The following PARD3 variants were observed in gnomAD, a reference collection of about 807,000 sequenced individuals.
PARD3 encodes the protein partitioning defective 3 homolog.
Under a neutral mutation model 155.4 loss-of-function variants are expected in PARD3, and 75 were observed. The ratio of observed to expected loss-of-function variants is 0.48; its 90% CI spans 0.40 to 0.58. The LOEUF is 0.58. PARD3 is among the 20% of genes least tolerant of loss of function. The pLI is 0.00. For missense variants in PARD3, 1,642 were observed against 1,721.7 expected (o/e 0.95, Z 0.82); for synonymous variants, 576 against 610.5 (o/e 0.94, Z 0.83).
intron 1 of PARD3, among the ~76,000 whole-genome samples, chr10:34,699,544 G>C (rs551200398): frequency 6.6e-6 from 1 of 152,302 alleles, no homozygotes; most frequent in East Asian, 1.9e-4. Context: ...CCAGTATCCA[G>C]TGAGAAAAAG....
chr10:34,241,439 A>C (rs566867954), intron 22 of PARD3, among the ~76,000 whole-genome samples: 23 of 152,304 alleles, frequency 1.5e-4, no homozygotes, highest in African/African-American at 5.3e-4. Context: ...GGCGGGCCTC[A>C]GCAGCGGGAG....
intron 17 of PARD3, among the ~76,000 whole-genome samples, chr10:34,336,852 G>A (rs1836243956): frequency 6.6e-6 from 1 of 152,074 alleles, no homozygotes; most frequent in Admixed American, 6.6e-5. Context: ...ACATCATGAA[G>A]TAACCAAATT....
At chr10:34,363,412 G>A (rs1202781131) in intron 12 of PARD3, among the ~76,000 whole-genome samples, 4 of 152,172 alleles carry the variant, frequency 2.6e-5, no homozygotes, top group Non-Finnish European at 4.4e-5. Flanking sequence ...TAAGAACACT[G>A]ATGTGAAACA....
chr10:34,537,907 G>A (rs1320248155), intron 2 of PARD3, among the ~76,000 whole-genome samples: 2 of 152,200 alleles, frequency 1.3e-5, no homozygotes, highest in East Asian at 1.9e-4. Flanking sequence ...TCTTTGGAAA[G>A]AGAAGGTTAT....
intron 7 of PARD3, among the ~76,000 whole-genome samples, chr10:34,398,330 A>G (rs1843544417): frequency 6.6e-6 from 1 of 152,214 alleles, no homozygotes. Flanking sequence ...TATCTTCTAC[A>G]ACACCCTAGA....
intron 5 of PARD3, among the ~76,000 whole-genome samples, chr10:34,404,303 A>C (rs1844209647): frequency 6.6e-6 from 1 of 152,222 alleles, no homozygotes; most frequent in African/African-American, 2.4e-5. Flanking sequence ...AGCAAGAACT[A>C]TACACTGAAT....
At chr10:34,446,399 C>T (rs1019945486) in intron 5 of PARD3, among the ~76,000 whole-genome samples, 6 of 151,916 alleles carry the variant, frequency 3.9e-5, no homozygotes, top group Non-Finnish European at 5.9e-5. Flanking sequence ...AAGCCTTTGG[C>T]GGGTATTGTA....
At chr10:34,293,174 A>C (rs1288605985) in intron 20 of PARD3, among the ~76,000 whole-genome samples, 1 of 152,204 alleles carries the variant, frequency 6.6e-6, no homozygotes, top group East Asian at 1.9e-4. Context: ...TAATACATAT[A>C]ATCTATACTT....
chr10:34,160,948 GTAT>G (rs1949248132), intron 22 of PARD3, among the ~76,000 whole-genome samples: 1 of 152,122 alleles, frequency 6.6e-6, no homozygotes, highest in Non-Finnish European at 1.5e-5. Flanking sequence ...CTAGGAAGAA[GTAT>G]TATAGTTAGA....
intron 5 of PARD3, among the ~76,000 whole-genome samples, chr10:34,405,073 AACACAAACACACACACACACACACACAC>A (rs1844305444): frequency 7.3e-6 from 1 of 136,122 alleles, no homozygotes; most frequent in Non-Finnish European, 1.5e-5. Flanking sequence ...CCCCATCACA[AACACAAACACACACACACACACACACAC>A]ACACACACAC....
intron 3 of PARD3, among the ~76,000 whole-genome samples, chr10:34,493,785 A>G (rs1172457231): frequency 6.6e-6 from 1 of 152,122 alleles, no homozygotes; most frequent in Non-Finnish European, 1.5e-5. Flanking sequence ...ACTTCCAACT[A>G]AACTATATTA....
At position 34,327,897 on chromosome 10, in the gene PARD3, T is replaced by G. The variant is rs539250734; in HGVS notation, c.2833+3220A>C. Among the ~76,000 whole-genome samples, 3 of 152,156 alleles carry G rather than the reference T, an allele frequency of 2.0e-5. No homozygotes were observed. The East Asian group carries it at 5.8e-4, about 29-fold the overall frequency. On this transcript the variant is annotated intron_variant, in intron 19 of 24. Coordinates refer to ENST00000374788, the MANE Select transcript of PARD3 (RefSeq NM_001184785.2). Reference sequence around the variant, plus strand: ...CACAGACAATAGAAGATGTTGGACATGCAGCCAGGGGACACATAGCTAAGG... The same window carrying G: ...CACAGACAATAGAAGATGTTGGACAGGCAGCCAGGGGACACATAGCTAAGG...
At chr10:34,663,448 A>C (rs1004885506) in intron 2 of PARD3, among the ~76,000 whole-genome samples, 1 of 152,212 alleles carries the variant, frequency 6.6e-6, no homozygotes, top group African/African-American at 2.4e-5. Context: ...CCTGGGCAAC[A>C]GAGCTTTGTA....
chr10:34,486,673 C>A (rs1752520520), intron 3 of PARD3, among the ~76,000 whole-genome samples: 1 of 152,124 alleles, frequency 6.6e-6, no homozygotes, highest in African/African-American at 2.4e-5. Flanking sequence ...GCACAGAAAC[C>A]ACCTAGGAAT....
At chr10:34,666,265 G>C (rs1335413802) in intron 2 of PARD3, among the ~76,000 whole-genome samples, 1 of 149,902 alleles carries the variant, frequency 6.7e-6, no homozygotes, top group Non-Finnish European at 1.5e-5. Flanking sequence ...TTTAAGTATA[G>C]AAGGTATATT....
intron 2 of PARD3, among the ~76,000 whole-genome samples, chr10:34,651,175 G>T (rs923932891): frequency 1.3e-5 from 2 of 152,116 alleles, no homozygotes; most frequent in African/African-American, 4.8e-5. Flanking sequence ...AAAATTACAT[G>T]GTCCCAGCAT....
chr10:34,687,407 G>C (rs1189998919), intron 2 of PARD3, among the ~76,000 whole-genome samples: 2 of 151,978 alleles, frequency 1.3e-5, no homozygotes, highest in East Asian at 1.9e-4. Context: ...TTTTCTAACG[G>C]AACTGGCCAA....
intron 22 of PARD3, among the ~76,000 whole-genome samples, chr10:34,173,506 G>A (rs1195599606): frequency 6.6e-6 from 1 of 151,994 alleles, no homozygotes; most frequent in African/African-American, 2.4e-5. Flanking sequence ...CCTCCACCTG[G>A]CCCATTTTTC....
At chr10:34,128,317 G>C (rs980818419) in intron 23 of PARD3, among the ~76,000 whole-genome samples, 10 of 152,150 alleles carry the variant, frequency 6.6e-5, no homozygotes, top group Non-Finnish European at 4.4e-5. Context: ...TATTCAATCT[G>C]AAGACAATGG....
Sources: gnomAD v4.1 joint callset for allele counts (sites outside exome capture counted in the v4.1 genomes callset) on GRCh38, gnomAD v4.1.1 for gene constraint, MANE v1.5 for transcripts, NCBI Gene and HGNC (gene_info 2026-07-23, HGNC 2026-07-21) for gene names.